Variants in NHSL2 observed in about 807,000 individuals in gnomAD.
NHSL2 encodes the protein NHS like 2.
Under a neutral mutation model 53.4 loss-of-function variants are expected in NHSL2, and 27 were observed. That is an observed-to-expected ratio of 0.51 (90% CI 0.37 to 0.70). The LOEUF (loss-of-function observed/expected upper bound fraction) is 0.70. NHSL2 is among the 30% of genes least tolerant of loss of function. The pLI, the probability that NHSL2 is intolerant of heterozygous loss-of-function variation, is 0.00. For missense variants in NHSL2, 892 were observed against 980.1 expected (o/e 0.91, Z 1.20); for synonymous variants, 408 against 404.1 (o/e 1.01, Z -0.12).
Position 72,124,659 on chromosome X carries a change from T to C in NHSL2, c.281-7420T>C, listed in dbSNP as rs1371288733. On this transcript the variant is annotated intron_variant, in intron 1 of 7. Coordinates refer to ENST00000633930, the MANE Select transcript of NHSL2 (RefSeq NM_001013627.3). ...AGGTGGGGAGTAGAGGTTAAGAGCA[T>C]GGGCTCTGGATGTCAAACTGCTGGG... Among the ~76,000 whole-genome samples, 17 of 111,407 alleles carry C rather than the reference T, an allele frequency of 1.5e-4. No individual in the cohort carries two copies. In the Admixed American group the frequency reaches 1.6e-3, roughly 11 times the overall value.
At chrX:71,928,630 A>G (rs2041697848) in intron 1 of NHSL2, among the ~76,000 whole-genome samples, 1 of 111,240 alleles carries the variant, frequency 9.0e-6, no homozygotes, top group African/African-American at 3.3e-5. Context: ...ACCATATGGT[A>G]TAGAAGCCTG....
At chrX:71,995,653 T>C (rs1000385434) in intron 1 of NHSL2, among the ~76,000 whole-genome samples, 3 of 112,052 alleles carry the variant, frequency 2.7e-5, no homozygotes, top group Non-Finnish European at 5.6e-5. Flanking sequence ...CAATGAAGCT[T>C]TCATTGACCA....
intron 1 of NHSL2, among the ~76,000 whole-genome samples, chrX:72,040,056 A>G (rs972282589): frequency 1.8e-5 from 2 of 112,540 alleles, no homozygotes; most frequent in South Asian, 7.3e-4. Context: ...ATTCATACCT[A>G]TGGGATGGGG....
At chrX:72,032,295 A>AGGCAG (rs2042219544) in intron 1 of NHSL2, among the ~76,000 whole-genome samples, 1 of 111,314 alleles carries the variant, frequency 9.0e-6, no homozygotes, top group South Asian at 3.8e-4. Flanking sequence ...CGGGAGGCTA[A>AGGCAG]GGCAGGGAGA....
chrX:72,044,736 T>G, intron 1 of NHSL2: 1 of 1,005,215 alleles, frequency 9.9e-7, no homozygotes, highest in Non-Finnish European at 1.4e-6. Context: ...CCTATGTGCT[T>G]CCCAAGCTGT....
At chrX:71,928,578 G>T (rs1400208936) in intron 1 of NHSL2, among the ~76,000 whole-genome samples, 2 of 111,557 alleles carry the variant, frequency 1.8e-5, no homozygotes, top group Non-Finnish European at 3.8e-5. Flanking sequence ...GTAAGGCTGT[G>T]GATGGCATTT....
intron 4 of NHSL2, among the ~76,000 whole-genome samples, chrX:72,136,759 C>T (rs991208007): frequency 8.9e-6 from 1 of 112,654 alleles, no homozygotes; most frequent in African/African-American, 3.2e-5. Flanking sequence ...CTAGAAAATG[C>T]TTCTACCTGA....
chrX:72,126,569 C>T (rs2042227479), intron 1 of NHSL2, among the ~76,000 whole-genome samples: 2 of 59,321 alleles, frequency 3.4e-5, no homozygotes, highest in Non-Finnish European at 1.0e-4. Context: ...ACCCACTTCC[C>T]CTGGAAAAAA....
In NHSL2 at chrX:72,049,015, G is replaced by GAAGAAGAAGAAGAAGAAGAAGAAGAAGAA. The variant is rs766144046; in HGVS notation, c.281-83064_281-83063insAAGAAGAAGAAGAAGAAGAAGAAGAAGAA. ...AAGAAGAAGAAGAAGAAGAAGAAGA[G>GAAGAAGAAGAAGAAGAAGAAGAAGAAGAA]GAAGAGGAAGAGGAAGAGGAAGAGG... On this transcript the variant is annotated intron_variant, in intron 1 of 7. Transcript: ENST00000633930. Among the ~76,000 whole-genome samples the GAAGAAGAAGAAGAAGAAGAAGAAGAAGAA allele has an allele frequency of 8.0e-3, 663 of 82,527 alleles. 21 individuals carry two copies. The highest frequency in any genetic ancestry group is 0.026 in the African/African-American group (348 of 13,270). The allele number at this position is 82,527 out of a possible 115,157, so 71.7% of individuals were successfully genotyped here.
At chrX:71,963,958 T>TATATATATATATAC (rs1569466982) in intron 1 of NHSL2, among the ~76,000 whole-genome samples, 3 of 6,434 alleles carry the variant, frequency 4.7e-4, no homozygotes, top group African/African-American at 1.5e-3. Context: ...GCTATATATA[T>TATATATATATATAC]ACACATATAT....
chrX:72,140,641 G>T lies in NHSL2; in HGVS notation c.3093G>T (p.Leu1031=), dbSNP rs1602405052. 3 of 1,211,929 alleles carry T rather than the reference G, an allele frequency of 2.5e-6. No homozygotes were observed. Among genetic ancestry groups the T allele is most frequent in the East Asian group, 5.9e-5 (2 of 33,856 alleles). ...QMEAYVAEPR[L]PLSPIITLEE... ...AGGCCTATGTGGCAGAACCAAGGCT[G>T]CCTCTCAGCCCCATCATCACCCTGG... is the stretch of plus-strand genomic sequence containing the variant. Residue 1031 remains leucine, a synonymous_variant, in exon 6 of 8, where the codon CTG becomes CTT. Transcript: ENST00000633930.
At chrX:72,110,400 G>A (rs1416117914) in intron 1 of NHSL2, among the ~76,000 whole-genome samples, 2 of 111,024 alleles carry the variant, frequency 1.8e-5, no homozygotes, top group African/African-American at 6.6e-5. Context: ...GTGTCCTCAA[G>A]GTCCCCTGCA....
chrX:72,009,283 A>G (rs1329291952), intron 1 of NHSL2, among the ~76,000 whole-genome samples: 2 of 112,432 alleles, frequency 1.8e-5, no homozygotes, highest in East Asian at 2.8e-4. Flanking sequence ...GACCCTGAAC[A>G]GAGAGAGTGG....
intron 1 of NHSL2, among the ~76,000 whole-genome samples, chrX:71,914,820 C>T (rs887747758): frequency 1.8e-5 from 2 of 110,890 alleles, no homozygotes; most frequent in African/African-American, 6.6e-5. Flanking sequence ...TGAGTCTGAC[C>T]GTCCTTGCTA....
At chrX:72,004,803 C>T (rs1375775462) in intron 1 of NHSL2, among the ~76,000 whole-genome samples, 4 of 105,843 alleles carry the variant, frequency 3.8e-5, no homozygotes, top group Non-Finnish European at 7.8e-5. Context: ...TCCTGGCAGC[C>T]CAACTTCAGC....
chrX:72,064,739 T>C (rs2042417979), intron 1 of NHSL2, among the ~76,000 whole-genome samples: 1 of 112,422 alleles, frequency 8.9e-6, no homozygotes, highest in African/African-American at 3.2e-5. Context: ...CTCTGTCTCC[T>C]CCCCTGGTGT....
At chrX:71,968,426 T>C (rs1344432867) in intron 1 of NHSL2, among the ~76,000 whole-genome samples, 2 of 112,504 alleles carry the variant, frequency 1.8e-5, no homozygotes, top group Admixed American at 1.9e-4. Context: ...ACATTTGTGC[T>C]GTTTCTACTT....
At chrX:71,976,636 C>G (rs1230391575) in intron 1 of NHSL2, among the ~76,000 whole-genome samples, 1 of 111,921 alleles carries the variant, frequency 8.9e-6, no homozygotes, top group African/African-American at 3.2e-5. Flanking sequence ...CCGCAGTAAC[C>G]TGTGAGGCAG....
intron 1 of NHSL2, among the ~76,000 whole-genome samples, chrX:71,936,964 C>G (rs2041741801): frequency 1.8e-5 from 2 of 111,624 alleles, no homozygotes; most frequent in Admixed American, 1.9e-4. Flanking sequence ...CCCTTGAGTT[C>G]TAAGTATTAT....
Sources: gnomAD v4.1 joint callset for allele counts (sites outside exome capture counted in the v4.1 genomes callset) on GRCh38, gnomAD v4.1.1 for gene constraint, MANE v1.5 for transcripts, NCBI Gene and HGNC (gene_info 2026-07-23, HGNC 2026-07-21) for gene names.